ATP6V0A1: variants seen among roughly 807,000 people sequenced by gnomAD.
The protein encoded by ATP6V0A1 is ATPase H+ transporting V0 subunit a1.
ATP6V0A1 carries 43 observed loss-of-function variants against 105.4 expected under a neutral mutation model. The ratio of observed to expected loss-of-function variants is 0.41; its 90% confidence interval spans 0.32 to 0.53. The LOEUF is 0.53. Ranked by LOEUF, ATP6V0A1 falls within the 20% of genes least tolerant of loss-of-function variation. The probability of loss-of-function intolerance (pLI) is 0.30; values close to 1 mark genes in which losing one functional copy is unlikely to be tolerated. For synonymous variants in ATP6V0A1, 362 were observed against 372.8 expected, an observed-to-expected ratio of 0.97 and a Z score of 0.33; for missense variants, 676 against 1,051.1, an observed-to-expected ratio of 0.64 and a Z score of 4.93.
intron 11 of ATP6V0A1, among the ~76,000 whole-genome samples, chr17:42,493,563 A>C (rs1049440599): frequency 5.3e-5 from 8 of 152,208 alleles, no homozygotes; most frequent in African/African-American, 1.7e-4. Context: ...CAGGAGGCTG[A>C]GGTGGGAGGA....
At chr17:42,520,708 G>T (rs112839843) in intron 21 of ATP6V0A1, 180 of 423,116 alleles carry the variant, frequency 4.3e-4, no homozygotes, top group Non-Finnish European at 6.4e-4. Context: ...GGGGCCACTT[G>T]TTCATTAACG....
At chr17:42,508,949 T>A (rs2146238542) in intron 19 of ATP6V0A1, among the ~76,000 whole-genome samples, 1 of 152,270 alleles carries the variant, frequency 6.6e-6, no homozygotes. Context: ...TTGTGGTTGA[T>A]CTACTCCCAG....
intron 19 of ATP6V0A1, chr17:42,513,388 A>G (rs956372752): frequency 3.1e-5 from 5 of 159,056 alleles, no homozygotes; most frequent in African/African-American, 1.2e-4. Context: ...TAGTCTTCTC[A>G]GGACAGTGTC....
At chr17:42,520,066 G>A (rs748619739) in intron 21 of ATP6V0A1, 1 of 181,406 alleles carries the variant, frequency 5.5e-6, no homozygotes, top group Non-Finnish European at 1.2e-5. Context: ...GCTTTAAAGC[G>A]CCTCAAAGCC....
In ATP6V0A1 at chr17:42,499,028, T is replaced by G. The variant is rs763897972; in HGVS notation, c.1665T>G (p.Ser555Arg). ...IIHMLFGVSL[S>R]LFNHIYFKKP... is the part of the protein sequence containing the mutation. ...ATATGCTGTTTGGAGTCAGCCTGAG[T>G]CTGTTCAACCATATGTGAGTTGTTC... The change falls in exon 15 of 22, where the codon AGT becomes AGG. Residue 555 changes from serine (S) to arginine (R), a missense_variant. Coordinates refer to ENST00000343619, the MANE Select transcript of ATP6V0A1 (RefSeq NM_001130021.3). 5.4e-5 allele frequency: 87 copies of G among 1,604,648 alleles called. 1 individual carries two copies. The highest frequency in any genetic ancestry group is 4.4e-4 in the South Asian group (40 of 90,826).
rs2089034435 is a variant in ATP6V0A1, at chr17:42,478,383, A to G, written c.507-80A>G. On this transcript the variant is annotated intron_variant, in intron 6 of 21. Transcript: ENST00000343619. ...AATAAAAAAAGATATATATATAAATATAAATAAAAAAGACTTGTATTAAAA... is the reference window on the plus strand; with the variant it reads ...AATAAAAAAAGATATATATATAAATGTAAATAAAAAAGACTTGTATTAAAA... 5.8e-6 allele frequency: 6 copies of G among 1,035,510 alleles called. No homozygotes were observed. The East Asian group carries it at 2.9e-4, about 50-fold the overall frequency. The allele number at this position is 1,035,510 out of a possible 1,614,324, so 64.1% of individuals were successfully genotyped here.
chr17:42,467,655 T>C (rs2087276605), intron 3 of ATP6V0A1, among the ~76,000 whole-genome samples: 1 of 152,198 alleles, frequency 6.6e-6, no homozygotes, highest in Admixed American at 6.5e-5. Context: ...TAACTCTGCT[T>C]TGCCAATAAT....
At chr17:42,496,932 G>T (rs550741910) in intron 14 of ATP6V0A1, among the ~76,000 whole-genome samples, 3 of 152,214 alleles carry the variant, frequency 2.0e-5, no homozygotes, top group East Asian at 1.9e-4. Context: ...TTCTTCAAAA[G>T]AAATTTTGTA....
intron 2 of ATP6V0A1, among the ~76,000 whole-genome samples, chr17:42,463,423 T>C (rs1215461466): frequency 6.6e-6 from 1 of 152,172 alleles, no homozygotes; most frequent in Non-Finnish European, 1.5e-5. Flanking sequence ...TCCCTGTTCT[T>C]GAATTATATG....
chr17:42,490,595 G>T lies in ATP6V0A1; in HGVS notation c.1132G>T (p.Val378Leu). 1 of 1,611,978 alleles carries T rather than the reference G, an allele frequency of 6.2e-7. No individual in the cohort carries two copies. The highest frequency in any genetic ancestry group is 8.5e-7 in the Non-Finnish European group (1 of 1,179,310). The part of the protein sequence containing the change: ...NKFTYGFQNI[V>L]DAYGIGTYRE... The stretch of plus-strand genomic sequence containing the variant: ...GTTTACCTATGGCTTTCAGAACATA[G>T]TAGATGCTTATGGAATTGGAACTTA... Residue 378 changes from valine to leucine, a missense_variant, in exon 11 of 22, where the codon GTA (valine) becomes TTA (leucine). By Grantham distance (32) the Val-to-Leu change is conservative. Coordinates refer to ENST00000343619, the MANE Select transcript of ATP6V0A1 (RefSeq NM_001130021.3).
At chr17:42,477,377 A>G (rs1259292075) in intron 5 of ATP6V0A1, among the ~76,000 whole-genome samples, 3 of 152,164 alleles carry the variant, frequency 2.0e-5, no homozygotes, top group African/African-American at 7.2e-5. Flanking sequence ...ACATGTCACC[A>G]TCACTTAATT....
chr17:42,482,770 G>A (rs112674715), intron 8 of ATP6V0A1, among the ~76,000 whole-genome samples: 1 of 151,668 alleles, frequency 6.6e-6, no homozygotes, highest in South Asian at 2.1e-4. Context: ...GGTGGCAGGC[G>A]CCTATAATCC....
chr17:42,505,930 G>A (rs1220882383), intron 17 of ATP6V0A1, among the ~76,000 whole-genome samples: 2 of 151,856 alleles, frequency 1.3e-5, no homozygotes, highest in African/African-American at 4.8e-5. Context: ...TGGGATTACA[G>A]GCGCCCACCT....
At chr17:42,487,580 T>C (rs1286942880) in intron 10 of ATP6V0A1, among the ~76,000 whole-genome samples, 1 of 151,980 alleles carries the variant, frequency 6.6e-6, no homozygotes, top group Admixed American at 6.6e-5. Context: ...TACAAAAAAT[T>C]AGCCGGGCGT....
At chr17:42,498,381 G>A (rs1241815074) in intron 14 of ATP6V0A1, among the ~76,000 whole-genome samples, 1 of 152,006 alleles carries the variant, frequency 6.6e-6, no homozygotes, top group African/African-American at 2.4e-5. Context: ...ACTATAAGGT[G>A]ATGTTAATTT....
chr17:42,494,244 A>AT, intron 11 of ATP6V0A1, 90 bp from the exon 12 acceptor site: 15 of 1,236,308 alleles, frequency 1.2e-5, no homozygotes, highest in East Asian at 2.5e-5. Context: ...AAAAAAAAAA[A>AT]GGGGGGTGGG....
chr17:42,482,777 A>G (rs1037857195), intron 8 of ATP6V0A1, among the ~76,000 whole-genome samples: 2 of 151,838 alleles, frequency 1.3e-5, no homozygotes, highest in African/African-American at 2.4e-5. Flanking sequence ...GGCGCCTATA[A>G]TCCCAGGTAC....
chr17:42,477,328 G>A lies in ATP6V0A1; in HGVS notation c.424-332G>A, dbSNP rs148302638. ...ACTTTCATCATTCATTCAGGGAAACGTAGGAGAGAAAATGGCTTCCACCAA... is the reference window on the plus strand; with the variant it reads ...ACTTTCATCATTCATTCAGGGAAACATAGGAGAGAAAATGGCTTCCACCAA... On this transcript the variant is annotated intron_variant, in intron 5 of 21. Coordinates refer to ENST00000343619, the MANE Select transcript of ATP6V0A1 (RefSeq NM_001130021.3). Among the ~76,000 whole-genome samples, 8 of 152,264 alleles carry A rather than the reference G, an allele frequency of 5.3e-5. No homozygotes were observed. The East Asian group carries it at 1.5e-3, about 29-fold the overall frequency.
At chr17:42,519,307 G>C (rs931348488) in intron 21 of ATP6V0A1, 1 of 152,080 alleles carries the variant, frequency 6.6e-6, no homozygotes, top group Non-Finnish European at 1.5e-5. Flanking sequence ...GATTAGAATG[G>C]TTTTGTGATT....
Sources: gnomAD v4.1 joint callset for allele counts (sites outside exome capture counted in the v4.1 genomes callset) on GRCh38, gnomAD v4.1.1 for gene constraint, MANE v1.5 for transcripts, NCBI Gene and HGNC (gene_info 2026-07-23, HGNC 2026-07-21) for gene names.